The following ZMYND11 variants were observed in gnomAD, a reference collection of about 807,000 sequenced individuals.
ZMYND11 encodes zinc finger MYND domain-containing protein 11.
A neutral mutation model predicts 84.9 loss-of-function variants in ZMYND11; 9 were observed. The ratio of observed to expected loss-of-function variants is 0.11; its 90% CI spans 0.06 to 0.18. The LOEUF is 0.18. ZMYND11 is among the 10% of genes least tolerant of loss of function. The probability of loss-of-function intolerance (pLI) is 1.00; values close to 1 mark genes in which losing one functional copy is unlikely to be tolerated. For synonymous variants in ZMYND11, 250 were observed against 244.1 expected (o/e 1.02, Z -0.23); for missense variants, 409 against 761.0 (o/e 0.54, Z 5.44).
intron 2 of ZMYND11, among the ~76,000 whole-genome samples, chr10:205,505 C>T (rs960771670): frequency 6.6e-6 from 1 of 151,730 alleles, no homozygotes; most frequent in Admixed American, 6.6e-5. Context: ...GCCAGGGCAA[C>T]ATAGTGAGAC....
chr10:220,131 C>CA (rs1156797909), intron 3 of ZMYND11, among the ~76,000 whole-genome samples: 2 of 152,012 alleles, frequency 1.3e-5, no homozygotes, highest in African/African-American at 2.4e-5. Flanking sequence ...GGAGTACTGA[C>CA]ATCAGAGAAA....
chr10:205,906 C>G (rs1478322799), intron 2 of ZMYND11, among the ~76,000 whole-genome samples: 1 of 151,274 alleles, frequency 6.6e-6, no homozygotes, highest in Non-Finnish European at 1.5e-5. Context: ...GGAATCTCTT[C>G]AAGTCATCTT....
chr10:191,086 G>A (rs1270543797), intron 2 of ZMYND11, among the ~76,000 whole-genome samples: 1 of 152,098 alleles, frequency 6.6e-6, no homozygotes, highest in African/African-American at 2.4e-5. Context: ...GTGGTTTGAA[G>A]GAGGGTTATA....
At chr10:239,338 T>C in intron 6 of ZMYND11, 100 bp from the exon 7 acceptor site, 1 of 937,180 alleles carries the variant, frequency 1.1e-6, no homozygotes, top group Non-Finnish European at 1.7e-6. Flanking sequence ...GTAGTCATCC[T>C]GATGTCATCC....
At chr10:248,060 T>C (rs1476176480) in intron 12 of ZMYND11, among the ~76,000 whole-genome samples, 4 of 152,220 alleles carry the variant, frequency 2.6e-5, no homozygotes, top group Non-Finnish European at 5.9e-5. Flanking sequence ...ACAAAACTTA[T>C]AGTATTGATA....
intron 2 of ZMYND11, among the ~76,000 whole-genome samples, chr10:208,549 T>C (rs560803901): frequency 6.6e-6 from 1 of 152,220 alleles, no homozygotes; most frequent in African/African-American, 2.4e-5. Flanking sequence ...AAAATGTTTT[T>C]TGTTTTAAGG....
At chr10:240,207 C>A in intron 8 of ZMYND11, 96 bp downstream of exon 8, 1 of 1,107,040 alleles carries the variant, frequency 9.0e-7, no homozygotes, top group Non-Finnish European at 1.3e-6. Context: ...GTGCCATTTC[C>A]TTTAAATGTC....
chr10:221,045 C>A (rs2131417244), intron 3 of ZMYND11, 150 bp from the exon 4 acceptor site: 1 of 664,020 alleles, frequency 1.5e-6, no homozygotes, highest in South Asian at 2.0e-5. Flanking sequence ...CAGCAACTTT[C>A]TAGGTATTTT....
chr10:200,681 T>C (rs1174606805), intron 2 of ZMYND11, among the ~76,000 whole-genome samples: 3 of 152,118 alleles, frequency 2.0e-5, no homozygotes, highest in East Asian at 3.8e-4. Flanking sequence ...GCTGTTGATG[T>C]GTAATGCTGG....
At chr10:241,106 CTGAAAAAAAG>C in intron 9 of ZMYND11, 136 bp downstream of exon 9, 1 of 576,630 alleles carries the variant, frequency 1.7e-6, no homozygotes, top group Non-Finnish European at 2.9e-6. Context: ...GTATAAACAA[CTGAAAAAAAG>C]TAACAGGGCT....
intron 4 of ZMYND11, among the ~76,000 whole-genome samples, chr10:231,143 C>A (rs1473423112): frequency 1.3e-5 from 2 of 152,348 alleles, no homozygotes; most frequent in Middle Eastern, 3.4e-3. Context: ...GTCATTACAA[C>A]AGCAGAATTA....
chr10:240,037 T>C lies in ZMYND11; in HGVS notation c.698-19T>C, dbSNP rs1380188316. 1.9e-6 allele frequency: 3 copies of C among 1,602,946 alleles called. No homozygotes were observed. The highest frequency in any genetic ancestry group is 2.7e-5 in the African/African-American group (2 of 74,554). ...TTTGCAGACTATTGCTTATAGGTAATATCTATTTTTAATTACAGCAGACAG... is the reference window on the plus strand; with the variant it reads ...TTTGCAGACTATTGCTTATAGGTAACATCTATTTTTAATTACAGCAGACAG... On this transcript the variant is annotated intron_variant, in intron 7 of 14. Coordinates refer to ENST00000381604, the MANE Select transcript of ZMYND11 (RefSeq NM_001370100.5).
intron 2 of ZMYND11, among the ~76,000 whole-genome samples, chr10:196,606 G>A (rs1396986618): frequency 1.3e-5 from 2 of 152,152 alleles, no homozygotes; most frequent in Non-Finnish European, 2.9e-5. Context: ...TCTTAGAGTT[G>A]TGTTAATATA....
At chr10:139,995 C>T (rs1391826232) in intron 1 of ZMYND11, among the ~76,000 whole-genome samples, 2 of 152,044 alleles carry the variant, frequency 1.3e-5, no homozygotes, top group Non-Finnish European at 2.9e-5. Context: ...CATGAGCCAC[C>T]GTGCCTGGCC....
At chr10:227,932 A>T (rs1381316572) in intron 4 of ZMYND11, among the ~76,000 whole-genome samples, 1 of 152,234 alleles carries the variant, frequency 6.6e-6, no homozygotes, top group Non-Finnish European at 1.5e-5. Flanking sequence ...TAGTAGACAT[A>T]GTATTGAAAA....
intron 1 of ZMYND11, among the ~76,000 whole-genome samples, chr10:175,557 G>A (rs941080837): frequency 1.3e-5 from 2 of 151,944 alleles, no homozygotes; most frequent in East Asian, 1.9e-4. Flanking sequence ...TGACAAGAGC[G>A]AAACTCCGCC....
At chr10:135,160 C>T (rs1160259546), upstream of ZMYND11, 13 of 150,254 alleles carry the variant, frequency 8.7e-5, no homozygotes, top group African/African-American at 3.2e-4. This position sits in a 1 kb window ranked among gnomAD's most constrained non-coding sequence, Gnocchi z 5.6. Flanking sequence ...CTTCCCGCCG[C>T]CCGCTCCGGC....
At chr10:225,101 C>G (rs183202388) in intron 4 of ZMYND11, among the ~76,000 whole-genome samples, 14 of 152,128 alleles carry the variant, frequency 9.2e-5, no homozygotes, top group Non-Finnish European at 1.5e-4. Context: ...CAATATAGTC[C>G]ATTGCATTTT....
intron 1 of ZMYND11, among the ~76,000 whole-genome samples, chr10:146,200 C>A (rs1262402753): frequency 6.6e-6 from 1 of 151,994 alleles, no homozygotes; most frequent in Non-Finnish European, 1.5e-5. Flanking sequence ...AGTATTTGGC[C>A]TTATTTCTAG....
Sources: gnomAD v4.1 joint callset for allele counts (sites outside exome capture counted in the v4.1 genomes callset) on GRCh38, gnomAD v4.1.1 for gene constraint, Gnocchi (gnomAD v3.1) non-coding constraint, MANE v1.5 for transcripts, NCBI Gene and HGNC (gene_info 2026-07-23, HGNC 2026-07-21) for gene names.